FBXW10B: variants seen among roughly 807,000 people sequenced by gnomAD.
FBXW10B encodes the protein F-box and WD repeat domain containing protein 10B.
chr17:15,612,709 T>C, the FBXW10B span: 1 of 1,614,062 alleles, frequency 6.2e-7, no homozygotes, highest in Non-Finnish European at 8.5e-7. Flanking sequence ...ACCTTCGTTC[T>C]CAACTTCCAC....
the FBXW10B span, among the ~76,000 whole-genome samples, chr17:15,587,002 C>T: frequency 6.6e-6 from 1 of 151,552 alleles, no homozygotes; most frequent in Non-Finnish European, 1.5e-5. Context: ...CTAGAGTGAA[C>T]CTGGAGCCTT....
chr17:15,591,618 G>T, the FBXW10B span, among the ~76,000 whole-genome samples: 2 of 152,172 alleles, frequency 1.3e-5, no homozygotes, highest in East Asian at 1.9e-4. Context: ...ATGAATTTCT[G>T]TTCCTGGAGT....
chr17:15,608,057 G>A, the FBXW10B span, among the ~76,000 whole-genome samples: 3 of 151,612 alleles, frequency 2.0e-5, no homozygotes, highest in African/African-American at 7.3e-5. Flanking sequence ...CACAGAAGTC[G>A]GAACGTCATA....
chr17:15,602,632 T>G, the FBXW10B span, among the ~76,000 whole-genome samples: 29 of 88,768 alleles, frequency 3.3e-4, 3 homozygotes, highest in Non-Finnish European at 5.3e-4. Context: ...GAGTTTTTTT[T>G]TTTTTTTTTT....
chr17:15,569,269 A>T, the FBXW10B span, among the ~76,000 whole-genome samples: 1 of 151,970 alleles, frequency 6.6e-6, no homozygotes, highest in African/African-American at 2.4e-5. Context: ...AGTGTGTAAG[A>T]GTTCCCTTTC....
chr17:15,571,890 T>C, the FBXW10B span: 5 of 151,452 alleles, frequency 3.3e-5, no homozygotes, highest in African/African-American at 4.9e-5. Context: ...GCATGTCGTA[T>C]GATTCCATTT....
At chr17:15,584,968 CTTT>C in the FBXW10B span, among the ~76,000 whole-genome samples, 896 of 125,918 alleles carry the variant, frequency 7.1e-3, 5 homozygotes, top group African/African-American at 0.026. Flanking sequence ...CCTTCTTCTT[CTTT>C]TTTTTTTTTT....
chr17:15,618,920 G>C, the FBXW10B span: 1 of 1,556,894 alleles, frequency 6.4e-7, no homozygotes, highest in Non-Finnish European at 8.7e-7. Context: ...TACCTATGTT[G>C]TCTACAACTG....
the FBXW10B span, among the ~76,000 whole-genome samples, chr17:15,602,960 G>A: frequency 8.2e-6 from 1 of 121,504 alleles, no homozygotes; most frequent in African/African-American, 3.8e-5. Flanking sequence ...CCTGGCTGGA[G>A]TGCAGTGGCA....
the FBXW10B span, among the ~76,000 whole-genome samples, chr17:15,611,096 T>C: frequency 4.0e-5 from 6 of 149,452 alleles, no homozygotes; most frequent in Non-Finnish European, 7.4e-5. Context: ...CAATCTCGGC[T>C]CACTGCAAGC....
the FBXW10B span, chr17:15,598,578 C>T: frequency 6.2e-7 from 1 of 1,613,504 alleles, no homozygotes; most frequent in South Asian, 1.1e-5. Context: ...TGTTCTTACA[C>T]AAGTCCATGC....
chr17:15,569,462 T>TTA, the FBXW10B span, among the ~76,000 whole-genome samples: 16 of 130,684 alleles, frequency 1.2e-4, no homozygotes, highest in Non-Finnish European at 2.0e-4. Flanking sequence ...TTTCTTTTTT[T>TTA]TTTTTTTTTT....
the FBXW10B span, chr17:15,572,734 G>A: frequency 6.6e-6 from 1 of 151,526 alleles, no homozygotes; most frequent in Non-Finnish European, 1.5e-5. Context: ...CTGGGGGAAC[G>A]TACGGTGGCC....
the FBXW10B span, among the ~76,000 whole-genome samples, chr17:15,600,231 A>T: frequency 6.7e-5 from 10 of 149,068 alleles, no homozygotes; most frequent in Admixed American, 6.7e-4. Flanking sequence ...AAAAAAAAAA[A>T]TGTACTTACT....
chr17:15,591,940 T>C, the FBXW10B span, among the ~76,000 whole-genome samples: 1 of 152,230 alleles, frequency 6.6e-6, no homozygotes, highest in East Asian at 1.9e-4. Flanking sequence ...TAATGCTCCA[T>C]AGACAAAAGA....
chr17:15,614,676 A>T, the FBXW10B span, among the ~76,000 whole-genome samples: 1 of 152,208 alleles, frequency 6.6e-6, no homozygotes, highest in Non-Finnish European at 1.5e-5. Flanking sequence ...AAATTGGTAA[A>T]GTGTTGATAA....
At chr17:15,603,068 G>C in the FBXW10B span, among the ~76,000 whole-genome samples, 1 of 146,338 alleles carries the variant, frequency 6.8e-6, no homozygotes, top group African/African-American at 2.6e-5. Context: ...ATTTTTAGTA[G>C]AGACGGGGTT....
the FBXW10B span, among the ~76,000 whole-genome samples, chr17:15,570,433 C>T: frequency 6.6e-6 from 1 of 152,132 alleles, no homozygotes; most frequent in Non-Finnish European, 1.5e-5. Flanking sequence ...AGGATAAAAA[C>T]AGGCAACCTG....
the FBXW10B span, chr17:15,593,463 C>A: frequency 1.2e-5 from 20 of 1,613,936 alleles, no homozygotes; most frequent in Middle Eastern, 1.6e-4. Context: ...GCTGATGACC[C>A]GGAGGAAGAG....
Sources: allele counts gnomAD v4.1 joint callset (sites outside exome capture counted in the v4.1 genomes callset), GRCh38; gene constraint gnomAD v4.1.1; transcripts MANE v1.5; gene names NCBI Gene and HGNC (gene_info 2026-07-23, HGNC 2026-07-21).